Variants in ARHGEF18 observed in about 807,000 individuals in gnomAD.
The protein encoded by ARHGEF18 is Rho/Rac guanine nucleotide exchange factor 18, also known as rho guanine nucleotide exchange factor 18.
Under a neutral mutation model 155.7 loss-of-function variants are expected in ARHGEF18, and 93 were observed. The ratio of observed to expected loss-of-function variants is 0.60; its 90% CI spans 0.50 to 0.71. ARHGEF18 has a LOEUF of 0.71. ARHGEF18 is among the 30% of genes least tolerant of loss of function. ARHGEF18 has a pLI of 0.00. For missense variants in ARHGEF18, 1,593 were observed against 1,816.1 expected (o/e 0.88, Z 2.23); for synonymous variants, 742 against 753.1 (o/e 0.99, Z 0.24).
chr19:7,467,737 G>C (rs1290963413), intron 26 of ARHGEF18, 53 bp downstream of exon 26: 1 of 1,406,488 alleles, frequency 7.1e-7, no homozygotes, highest in Admixed American at 3.2e-5. Flanking sequence ...GTTTGCACGT[G>C]CATTTGCACG....
At chr19:7,416,137 C>T (rs1451748939) in intron 10 of ARHGEF18, among the ~76,000 whole-genome samples, 1 of 152,150 alleles carries the variant, frequency 6.6e-6, no homozygotes, top group Non-Finnish European at 1.5e-5. Context: ...GAGGCTCATG[C>T]CTATAATCTC....
chr19:7,437,514 A>C (rs1974336457), intron 10 of ARHGEF18, among the ~76,000 whole-genome samples: 1 of 151,444 alleles, frequency 6.6e-6, no homozygotes, highest in African/African-American at 2.4e-5. Context: ...AGCTCTGCCC[A>C]CCCCATGGTT....
the ARHGEF18 span, among the ~76,000 whole-genome samples, chr19:7,479,961 G>C: frequency 2.6e-5 from 4 of 152,136 alleles, no homozygotes; most frequent in Admixed American, 6.6e-5. Context: ...GCCTAAAACT[G>C]CTCTAAAAAA....
intron 5 of ARHGEF18, among the ~76,000 whole-genome samples, chr19:7,377,234 C>G (rs1307981808): frequency 6.6e-6 from 1 of 152,116 alleles, no homozygotes. Flanking sequence ...CCATGCCCGG[C>G]TAATTTTTGT....
chr19:7,452,705 AT>A (rs1401495061), intron 16 of ARHGEF18, among the ~76,000 whole-genome samples: 3 of 151,642 alleles, frequency 2.0e-5, no homozygotes, highest in African/African-American at 7.3e-5. Context: ...ACCTCAGGTG[AT>A]CTGCCCGCCT....
At chr19:7,473,449 A>T (rs1397751645), downstream of ARHGEF18, 3 of 373,270 alleles carry the variant, frequency 8.0e-6, no homozygotes, top group South Asian at 2.0e-5. Flanking sequence ...GCAGGAGGAT[A>T]GCTTGAGCCC....
intron 10 of ARHGEF18, among the ~76,000 whole-genome samples, chr19:7,426,837 G>A (rs1004510773): frequency 1.3e-5 from 2 of 152,098 alleles, no homozygotes; most frequent in Non-Finnish European, 2.9e-5. Context: ...AAGTGGCGTC[G>A]ATTGGTTTCC....
chr19:7,413,089 G>A (rs990214353), intron 10 of ARHGEF18, among the ~76,000 whole-genome samples: 6 of 151,954 alleles, frequency 3.9e-5, no homozygotes, highest in Non-Finnish European at 5.9e-5. Flanking sequence ...ATCTAACCAC[G>A]TCCCACACCA....
rs141640478 is a variant in ARHGEF18, at chr19:7,357,981, T to C, written c.-110-4800T>C. On this transcript the variant is annotated intron_variant, in intron 1 of 28. Transcript: ENST00000668164. ...CACAATTCTGTCCCTCTTCCTTCTA[T>C]ATGTGCTTCCTCACCCCCTCAGAAT... Among the ~76,000 whole-genome samples the C allele has an allele frequency of 3.8e-3, 577 of 152,278 alleles. 4 individuals are homozygous for C. The highest frequency in any genetic ancestry group is 0.012 in the African/African-American group (508 of 41,546).
intron 10 of ARHGEF18, among the ~76,000 whole-genome samples, chr19:7,414,170 AG>A (rs1476058418): frequency 1.3e-5 from 2 of 152,078 alleles, no homozygotes; most frequent in Non-Finnish European, 2.9e-5. Flanking sequence ...AGATGCCAGG[AG>A]CACCCCTCTT....
rs139036553 is a variant in ARHGEF18, at chr19:7,470,890, G to A, written c.*592G>A. 1.2e-3 allele frequency: 476 copies of A among 401,198 alleles called. 3 individuals are homozygous for A. Among genetic ancestry groups the A allele is most frequent in the African/African-American group, 8.5e-3 (413 of 48,836 alleles). 24.9% of individuals were successfully genotyped at this position (401,198 alleles called of 1,614,324 possible). A position where few individuals can be genotyped will look rare whatever the true frequency, so the allele number is the denominator to read the frequency against. ...CAGGGTCAGGGAATGAGCCAGGCAC[G>A]GGGGCATGGGCAGAGAGGGCCACGG... On this transcript the variant is annotated 3_prime_UTR_variant, in exon 29 of 29. Transcript: ENST00000668164. This position sits in a 1 kb window ranked among gnomAD's most constrained non-coding sequence, Gnocchi z 5.9.
Position 7,467,440 on chromosome 19 carries a change from A to G in ARHGEF18, c.3236A>G (p.Gln1079Arg). 1 of 1,528,902 alleles carries G rather than the reference A, an allele frequency of 6.5e-7. No homozygotes were observed. The highest frequency in any genetic ancestry group is 8.7e-7 in the Non-Finnish European group (1 of 1,143,690). The allele number at this position is 1,528,902 out of a possible 1,614,324, so 94.7% of individuals were successfully genotyped here. The change falls in exon 26 of 29, where the codon CAG (glutamine) becomes CGG (arginine). Residue 1079 changes from glutamine (Q) to arginine (R), a missense_variant. Transcript: ENST00000668164. ...GAGCGCGAGCGCCAGTGGCAGCACC[A>G]GGAGCTGGAGCGTGCGGGCGCGCGG... ...RWERERQWQH[Q>R]ELERAGARLQ...
At chr19:7,476,949 G>T, downstream of ARHGEF18, 1 of 409,804 alleles carries the variant, frequency 2.4e-6, no homozygotes, top group Non-Finnish European at 4.3e-6. Flanking sequence ...TCCTCATCTT[G>T]ATTTGGATAC....
chr19:7,461,287 G>A (rs1412785763), intron 20 of ARHGEF18, among the ~76,000 whole-genome samples: 2 of 152,122 alleles, frequency 1.3e-5, no homozygotes, highest in Non-Finnish European at 2.9e-5. Flanking sequence ...GGTGGCTCAC[G>A]CCTGTAATCC....
At position 7,395,017 on chromosome 19, in the gene ARHGEF18, A is replaced by T; in HGVS notation, c.967+11814A>T. ...CCACGGCTCGGGGAGCAGCAGCCCC[A>T]GGTCCCCGGGAGCGCCCCGCCCTCG... is the stretch of plus-strand genomic sequence containing the variant. On this transcript the variant is annotated intron_variant, in intron 10 of 28. Coordinates refer to ENST00000668164, the MANE Select transcript of ARHGEF18 (RefSeq NM_001367823.1). The surrounding 1 kb of genome is among the most constrained non-coding windows in gnomAD (Gnocchi z 5.0). 1.0e-6 allele frequency: 1 copy of T among 979,106 alleles called. No individual in the cohort carries two copies. Among genetic ancestry groups the T allele is most frequent in the Non-Finnish European group, 1.2e-6 (1 of 824,342 alleles). 60.7% of individuals were successfully genotyped at this position (979,106 alleles called of 1,614,324 possible).
intron 10 of ARHGEF18, among the ~76,000 whole-genome samples, chr19:7,415,090 G>T (rs760366416): frequency 6.6e-6 from 1 of 152,004 alleles, no homozygotes; most frequent in Non-Finnish European, 1.5e-5. Flanking sequence ...TAAAAACCAC[G>T]CATGCCATTC....
chr19:7,439,059 T>A (rs1474472659), intron 10 of ARHGEF18, among the ~76,000 whole-genome samples: 1 of 152,010 alleles, frequency 6.6e-6, no homozygotes, highest in African/African-American at 2.4e-5. Context: ...TTGTATTTTT[T>A]ATTTTTTTTA....
intron 16 of ARHGEF18, among the ~76,000 whole-genome samples, chr19:7,451,948 C>T (rs957942053): frequency 2.0e-5 from 3 of 151,472 alleles, no homozygotes; most frequent in African/African-American, 7.3e-5. Context: ...TCTTAAACTC[C>T]TGGCCTCAAA....
chr19:7,377,785 CA>C (rs60336111), intron 5 of ARHGEF18, among the ~76,000 whole-genome samples: 4,547 of 103,678 alleles, frequency 0.044, 181 homozygotes, highest in African/African-American at 0.12. Flanking sequence ...GAAACCGTCT[CA>C]AAAAAAAAAA....
Sources: allele counts gnomAD v4.1 joint callset (sites outside exome capture counted in the v4.1 genomes callset), GRCh38; gene constraint gnomAD v4.1.1; non-coding constraint Gnocchi (gnomAD v3.1); transcripts MANE v1.5; gene names NCBI Gene and HGNC (gene_info 2026-07-23, HGNC 2026-07-21).